Variants in SPATA33 observed in about 807,000 individuals in gnomAD.
The protein encoded by SPATA33 is spermatogenesis-associated protein 33.
SPATA33 carries 10 observed loss-of-function variants against 8.9 expected under a neutral mutation model. The observed-to-expected ratio is 1.12, with a 90% confidence interval of 0.69 to 1.90. SPATA33 has a LOEUF of 1.90. Ranked by LOEUF, SPATA33 falls within the 40% of genes most tolerant of loss-of-function variation. SPATA33 has a pLI of 0.00. For missense variants in SPATA33, 241 were observed against 178.3 expected (o/e 1.35, Z -2.00); for synonymous variants, 96 against 72.8 (o/e 1.32, Z -1.63).
chr16:89,663,925 C>G (rs1457343021), intron 2 of SPATA33, among the ~76,000 whole-genome samples: 2 of 152,152 alleles, frequency 1.3e-5, no homozygotes, highest in African/African-American at 2.4e-5. Context: ...TCAAGACCAG[C>G]CTGGGCAACA....
chr16:89,658,045 C>A, intron 1 of SPATA33, 97 bp downstream of exon 1: 2 of 1,454,792 alleles, frequency 1.4e-6, no homozygotes, highest in Non-Finnish European at 1.8e-6. Flanking sequence ...AGCGCAGGCG[C>A]CAGGCTCGGC....
intron 2 of SPATA33, among the ~76,000 whole-genome samples, chr16:89,664,665 A>T (rs2460454): frequency 0.85 from 123,878 of 145,776 alleles, 52,988 homozygotes; most frequent in Non-Finnish European, 0.9. Flanking sequence ...GAGGCTCTTT[A>T]GGGCCCGACC....
At chr16:89,662,081 C>T (rs933424399) in intron 2 of SPATA33, among the ~76,000 whole-genome samples, 11 of 152,092 alleles carry the variant, frequency 7.2e-5, no homozygotes, top group Admixed American at 2.0e-4. Context: ...CACTTGAGGT[C>T]AGGAGTTCGA....
rs200266103 is a variant in SPATA33 at position 89,658,244 on chromosome 16, T to G, written c.38-4T>G. The G allele has an allele frequency of 6.2e-7, 1 of 1,614,064 alleles. No homozygotes were observed. Among genetic ancestry groups the G allele is most frequent in the South Asian group, 1.1e-5 (1 of 91,080 alleles). ...GGGTCTAACGGATGATCCATATATT[T>G]CAGGTGAGGAGCAAAAGAAGGGATC... is the stretch of plus-strand genomic sequence containing the variant. On this transcript the variant is annotated splice_polypyrimidine_tract_variant and splice_region_variant and intron_variant, in intron 1 of 2. Transcript: ENST00000579310.
At position 89,658,436 on chromosome 16, in the gene SPATA33, G is replaced by GA; in HGVS notation, c.211+16dup. ...TTCGCTGGAAGGTAGGAGACGGCGG[G>GA]AGGGAGCGAAGCGAGGTCAGTGGCT... is the stretch of plus-strand genomic sequence containing the variant. On this transcript the variant is annotated intron_variant, in intron 2 of 2. Transcript: ENST00000579310. 6.3e-7 allele frequency: 1 copy of GA among 1,591,246 alleles called. No homozygotes were observed.
chr16:89,664,346 C>A (rs969979222), intron 2 of SPATA33, among the ~76,000 whole-genome samples: 8 of 7,014 alleles, frequency 1.1e-3, no homozygotes, highest in African/African-American at 1.1e-3. Flanking sequence ...AACAAGGTGG[C>A]AGGACTCAAG....
At position 89,670,377 on chromosome 16, in the gene SPATA33, T is replaced by C. The variant is rs1225065006; in HGVS notation, c.*880T>C. 6.6e-6 allele frequency: 1 copy of C among 152,366 alleles called. No homozygotes were observed. Among genetic ancestry groups the C allele is most frequent in the Non-Finnish European group, 1.5e-5 (1 of 68,168 alleles). 9.4% of individuals were successfully genotyped at this position (152,366 alleles called of 1,614,324 possible). A position where few individuals can be genotyped will look rare whatever the true frequency, so the allele number is the denominator to read the frequency against. On this transcript the variant is annotated 3_prime_UTR_variant, in exon 3 of 3. Coordinates refer to ENST00000579310, the MANE Select transcript of SPATA33 (RefSeq NM_001271907.2). ...TGCCTTCCCCAGAGCTGCTAGCAGC[T>C]CGGTCGAGGCAAGAGTGACTGGCTC...
At chr16:89,666,670 G>A (rs1036162876) in intron 2 of SPATA33, among the ~76,000 whole-genome samples, 5 of 152,132 alleles carry the variant, frequency 3.3e-5, no homozygotes, top group South Asian at 2.1e-4. Flanking sequence ...CGTGGAGACC[G>A]GTAGTGGCCC....
intron 2 of SPATA33, among the ~76,000 whole-genome samples, chr16:89,663,410 T>C (rs916045041): frequency 6.6e-6 from 1 of 151,396 alleles, no homozygotes; most frequent in Non-Finnish European, 1.5e-5. Context: ...ATGGGGTTTC[T>C]CCATGTTGGT....
At chr16:89,661,742 G>A (rs901862158) in intron 2 of SPATA33, among the ~76,000 whole-genome samples, 5 of 152,106 alleles carry the variant, frequency 3.3e-5, no homozygotes, top group Non-Finnish European at 7.4e-5. Flanking sequence ...GATGTTAGAA[G>A]GAAATCTGAG....
chr16:89,659,894 C>T (rs925576019), intron 2 of SPATA33: 8 of 152,282 alleles, frequency 5.3e-5, no homozygotes, highest in Non-Finnish European at 1.2e-4. Flanking sequence ...GAACCTCCCA[C>T]TGGAGGGTGG....
At chr16:89,658,994 G>T (rs953343170) in intron 2 of SPATA33, 1 of 153,682 alleles carries the variant, frequency 6.5e-6, no homozygotes, top group South Asian at 2.0e-4. Flanking sequence ...AGCTGGAAGC[G>T]TTAAATATTT....
chr16:89,664,691 G>A (rs899781498), intron 2 of SPATA33, among the ~76,000 whole-genome samples: 2 of 152,082 alleles, frequency 1.3e-5, no homozygotes, highest in African/African-American at 4.8e-5. Context: ...AGGGAAGCCA[G>A]ACAGTAAAAG....
chr16:89,663,120 C>A (rs576894554), intron 2 of SPATA33, among the ~76,000 whole-genome samples: 8 of 151,752 alleles, frequency 5.3e-5, no homozygotes, highest in African/African-American at 1.7e-4. Context: ...GTAGAGTATA[C>A]TTAATTGCAA....
chr16:89,660,939 C>T (rs1032256737), intron 2 of SPATA33: 1 of 1,017,830 alleles, frequency 9.8e-7, no homozygotes, highest in Admixed American at 5.8e-5. Context: ...GCATGCACCT[C>T]AGGGGGAGCC....
rs1228539940 is a variant in SPATA33 at position 89,669,396 on chromosome 16, G to A, written c.322G>A (p.Asp108Asn). ...AGTCAGTTGCAGTTCCAGCGGGAGT[G>A]ACCAGCAGAGAACCATTCGGGAGCC... ...TLVSCSSSGS[D>N]QQRTIREPED... is the part of the protein sequence containing the mutation. Residue 108 changes from aspartate to asparagine, a missense_variant, in exon 3 of 3, where the codon GAC becomes AAC. Transcript: ENST00000579310. 2 of 1,614,074 alleles carry A rather than the reference G, an allele frequency of 1.2e-6. No individual in the cohort carries two copies. The highest frequency in any genetic ancestry group is 1.7e-6 in the Non-Finnish European group (2 of 1,180,056).
At position 89,669,456 on chromosome 16, in the gene SPATA33, C is replaced by G. The variant is rs746762197; in HGVS notation, c.382C>G (p.Pro128Ala). Residue 128 changes from proline to alanine, a missense_variant, in exon 3 of 3, where the codon CCC (proline) becomes GCC (alanine). Coordinates refer to ENST00000579310, the MANE Select transcript of SPATA33 (RefSeq NM_001271907.2). ...DWGPYRRHRNPSTADAYNSHL... is the reference protein window; with the variant it reads ...DWGPYRRHRNASTADAYNSHL... ...GGGCCCCTACCGGCGGCACAGGAACCCCAGTACAGCAGACGCCTATAATTC... is the reference window on the plus strand; with the variant it reads ...GGGCCCCTACCGGCGGCACAGGAACGCCAGTACAGCAGACGCCTATAATTC... 1.9e-6 allele frequency: 3 copies of G among 1,613,652 alleles called. No homozygotes were observed. Among genetic ancestry groups the G allele is most frequent in the South Asian group, 2.2e-5 (2 of 91,064 alleles).
intron 2 of SPATA33, among the ~76,000 whole-genome samples, chr16:89,667,500 C>T (rs1270141351): frequency 2.0e-5 from 3 of 152,116 alleles, no homozygotes; most frequent in Non-Finnish European, 2.9e-5. Context: ...TCTCTTGCCT[C>T]GGCACCTGGG....
intron 2 of SPATA33, among the ~76,000 whole-genome samples, chr16:89,668,573 G>C (rs1437125278): frequency 6.6e-6 from 1 of 152,054 alleles, no homozygotes; most frequent in African/African-American, 2.4e-5. Context: ...ACTCCAGGAA[G>C]GGGGCGGGCG....
Sources: gnomAD v4.1 joint callset for allele counts (sites outside exome capture counted in the v4.1 genomes callset) on GRCh38, gnomAD v4.1.1 for gene constraint, MANE v1.5 for transcripts, NCBI Gene and HGNC (gene_info 2026-07-23, HGNC 2026-07-21) for gene names.